Variants in RELL1 observed in about 807,000 individuals in gnomAD.
The protein encoded by RELL1 is RELT-like protein 1.
RELL1 carries 10 observed loss-of-function variants against 23.0 expected under a neutral mutation model. That is an observed-to-expected ratio of 0.43 (90% confidence interval 0.27 to 0.74). The LOEUF is 0.74. Among genes scored for constraint, RELL1 ranks in the 30% least tolerant of loss-of-function variants. The pLI, the probability that RELL1 is intolerant of heterozygous loss-of-function variation, is 0.19. For missense variants in RELL1, 315 were observed against 364.4 expected, an observed-to-expected ratio of 0.86 and a Z score of 1.10; for synonymous variants, 146 against 146.8, an observed-to-expected ratio of 0.99 and a Z score of 0.04.
intron 1 of RELL1, among the ~76,000 whole-genome samples, chr4:37,659,786 T>G (rs1484367143): frequency 6.6e-6 from 1 of 152,138 alleles, no homozygotes; most frequent in East Asian, 1.9e-4. Flanking sequence ...CCATCCTCCA[T>G]GTCCACAAGG....
At chr4:37,656,924 A>G (rs1273721870) in intron 1 of RELL1, among the ~76,000 whole-genome samples, 3 of 152,190 alleles carry the variant, frequency 2.0e-5, no homozygotes, top group African/African-American at 7.2e-5. Context: ...TTTATAAATT[A>G]CCCAGTCTTA....
At chr4:37,590,192 G>T, downstream of RELL1, 5 of 1,614,214 alleles carry the variant, frequency 3.1e-6, no homozygotes, top group Non-Finnish European at 4.2e-6. Flanking sequence ...GGCAAATGGA[G>T]CAGTGAAGTC....
intron 6 of RELL1, among the ~76,000 whole-genome samples, chr4:37,596,500 A>C (rs1451364787): frequency 1.3e-5 from 2 of 151,526 alleles, no homozygotes; most frequent in Non-Finnish European, 2.9e-5. Context: ...ACACACCCTT[A>C]ATATAAGCAC....
intron 6 of RELL1, among the ~76,000 whole-genome samples, chr4:37,629,592 T>G (rs1057095559): frequency 5.3e-5 from 8 of 152,186 alleles, no homozygotes; most frequent in African/African-American, 1.2e-4. Flanking sequence ...TAGACTTTTC[T>G]GTACTGTTTC....
intron 1 of RELL1, among the ~76,000 whole-genome samples, chr4:37,669,393 C>T (rs1184124338): frequency 2.2e-4 from 32 of 148,564 alleles, no homozygotes; most frequent in African/African-American, 6.2e-4. Flanking sequence ...CCAGCCGCCC[C>T]GTCCGGGAGG....
exon 7 of RELL1, chr4:37,591,052 T>C (rs937941): frequency 0.7 from 1,035,474 of 1,485,628 alleles, 369,777 homozygotes; most frequent in Non-Finnish European, 0.74. Flanking sequence ...AGCATGCAGA[T>C]GCATTTGCTC....
chr4:37,655,452 A>G (rs1027705708), intron 1 of RELL1, among the ~76,000 whole-genome samples: 1 of 152,146 alleles, frequency 6.6e-6, no homozygotes, highest in African/African-American at 2.4e-5. Context: ...AAAAGGGGAA[A>G]TGTGAAGAAA....
downstream of RELL1, among the ~76,000 whole-genome samples, chr4:37,605,851 A>AAG (rs1491017436): frequency 1.9e-3 from 249 of 132,254 alleles, 2 homozygotes; most frequent in Non-Finnish European, 3.3e-3. Flanking sequence ...AAGAAGGAAA[A>AAG]GAAAAGAAAA....
At chr4:37,669,211 A>T (rs1721685744) in intron 1 of RELL1, among the ~76,000 whole-genome samples, 2 of 111,896 alleles carry the variant, frequency 1.8e-5, no homozygotes, top group Admixed American at 1.9e-4. Context: ...CTGCCTGGCC[A>T]GCCGCCCCGT....
At chr4:37,590,032 G>GT, downstream of RELL1, 1 of 1,280,472 alleles carries the variant, frequency 7.8e-7, no homozygotes, top group Non-Finnish European at 1.1e-6. Context: ...AGGGCCTGTG[G>GT]TAAAAAGCAT....
rs1022446516 is a variant in RELL1, at chr4:37,610,869, C to T, written c.*2477G>A. On this transcript the variant is annotated 3_prime_UTR_variant, in exon 7 of 7. Transcript: ENST00000454158. This position sits in a 1 kb window ranked among gnomAD's most constrained non-coding sequence, Gnocchi z 4.1. ...TCCTTAGAAAGGAGGAGGAGTAACA[C>T]AAGACCTGTAAACATCAGTTGCTTT... Among the ~76,000 whole-genome samples, 1 of 152,138 alleles carries T rather than the reference C, an allele frequency of 6.6e-6. No homozygotes were observed. Among genetic ancestry groups the T allele is most frequent in the African/African-American group, 2.4e-5 (1 of 41,438 alleles).
chr4:37,617,315 C>T (rs976621999), intron 6 of RELL1, among the ~76,000 whole-genome samples: 1 of 152,152 alleles, frequency 6.6e-6, no homozygotes, highest in Non-Finnish European at 1.5e-5. Flanking sequence ...AGGTAAGACC[C>T]AGTACTAATG....
chr4:37,586,804 G>A (rs1162567695), downstream of RELL1, among the ~76,000 whole-genome samples: 1 of 152,190 alleles, frequency 6.6e-6, no homozygotes, highest in Non-Finnish European at 1.5e-5. Flanking sequence ...CAGCTACTGG[G>A]GAGGCTGAGG....
chr4:37,686,302 GCCC>G lies in RELL1; in HGVS notation c.-18_-16del. 1.3e-6 allele frequency: 2 copies of G among 1,497,578 alleles called. No individual in the cohort carries two copies. The highest frequency in any genetic ancestry group is 1.3e-5 in the South Asian group (1 of 79,914). The allele number at this position is 1,497,578 out of a possible 1,614,324, so 92.8% of individuals were successfully genotyped here. A position where few individuals can be genotyped will look rare whatever the true frequency, so the allele number is the denominator to read the frequency against. On this transcript the variant is annotated 5_prime_UTR_variant, in exon 1 of 7. Transcript: ENST00000454158. ...CGCGGAGCCATCGCCGCGTCGCTTC[GCCC>G]TCCTCCCCCAGGGCGCCGCGTCCCG...
At chr4:37,629,108 C>A (rs995514674) in intron 6 of RELL1, among the ~76,000 whole-genome samples, 3 of 152,172 alleles carry the variant, frequency 2.0e-5, no homozygotes, top group African/African-American at 7.2e-5. Context: ...TCTTGCAGTT[C>A]CTAATCGAGG....
intron 1 of RELL1, among the ~76,000 whole-genome samples, chr4:37,670,818 C>T (rs999923332): frequency 4.6e-5 from 7 of 152,260 alleles, no homozygotes; most frequent in African/African-American, 9.6e-5. Context: ...GTGATCTGCC[C>T]GCCTTGACCT....
chr4:37,633,336 G>A (rs1256537189), intron 5 of RELL1, among the ~76,000 whole-genome samples: 1 of 137,822 alleles, frequency 7.3e-6, no homozygotes, highest in Non-Finnish European at 1.5e-5. Flanking sequence ...TTGAGCCCAG[G>A]AGGCAGAGGC....
intron 1 of RELL1, among the ~76,000 whole-genome samples, chr4:37,679,772 T>G (rs1055248404): frequency 6.6e-6 from 1 of 152,012 alleles, no homozygotes. Context: ...CTGGCCAATA[T>G]GGTGAAACCC....
intron 1 of RELL1, among the ~76,000 whole-genome samples, chr4:37,664,205 G>A (rs1166317484): frequency 6.6e-5 from 10 of 152,058 alleles, no homozygotes; most frequent in Non-Finnish European, 1.2e-4. Flanking sequence ...GTGAAACCCC[G>A]TCTCTACTAA....
Sources: allele counts gnomAD v4.1 joint callset (sites outside exome capture counted in the v4.1 genomes callset), GRCh38; gene constraint gnomAD v4.1.1; non-coding constraint Gnocchi (gnomAD v3.1); transcripts MANE v1.5; gene names NCBI Gene and HGNC (gene_info 2026-07-23, HGNC 2026-07-21).